POU3F3: variants seen among roughly 807,000 people sequenced by gnomAD.
POU3F3 encodes the protein POU class 3 homeobox 3.
POU3F3 carries 1 observed loss-of-function variant against 8.6 expected under a neutral mutation model. The ratio of observed to expected loss-of-function variants is 0.12; its 90% CI spans 0.04 to 0.55. POU3F3 has a LOEUF of 0.55. Among genes scored for constraint, POU3F3 ranks in the 20% least tolerant of loss-of-function variants. POU3F3 has a pLI of 0.91. For synonymous variants in POU3F3, 418 were observed against 327.4 expected, an observed-to-expected ratio of 1.28 and a Z score of -2.99; for missense variants, 577 against 690.7, an observed-to-expected ratio of 0.84 and a Z score of 1.84.
the POU3F3 span, chr2:104,925,815 A>G: frequency 5.9e-5 from 9 of 152,072 alleles, no homozygotes; most frequent in African/African-American, 9.7e-5. Flanking sequence ...TTAGACTCTG[A>G]GGCAAAATTT....
the POU3F3 span, among the ~76,000 whole-genome samples, chr2:104,885,916 C>G: frequency 1.3e-5 from 2 of 152,030 alleles, no homozygotes; most frequent in Admixed American, 1.3e-4. Context: ...TCCTGCCTGG[C>G]CCCCAGAGTA....
At chr2:104,859,584 G>A (rs1383143911), downstream of POU3F3, among the ~76,000 whole-genome samples, 1 of 152,058 alleles carries the variant, frequency 6.6e-6, no homozygotes, top group Non-Finnish European at 1.5e-5. Flanking sequence ...CAATGCAGGG[G>A]TTAAAAAACC....
the POU3F3 span, among the ~76,000 whole-genome samples, chr2:104,899,186 A>C: frequency 6.6e-6 from 1 of 152,320 alleles, no homozygotes; most frequent in East Asian, 1.9e-4. Context: ...CAGACCCAGC[A>C]CATAAGCGAC....
At position 104,855,549 on chromosome 2, in the gene POU3F3, C is replaced by T. The variant is rs1438488196; in HGVS notation, c.39C>T (p.Asn13=). The T allele has an allele frequency of 2.9e-6, 3 of 1,043,048 alleles. No homozygotes were observed. The highest frequency in any genetic ancestry group is 3.5e-6 in the Non-Finnish European group (3 of 864,656). 64.6% of individuals were successfully genotyped at this position (1,043,048 alleles called of 1,614,324 possible). ...TAASNPYLPG[N]SLLAAGSIVH... ...CTTCTAACCCCTACCTGCCGGGGAA[C>T]AGCCTGCTCGCGGCCGGCTCTATTG... is the stretch of plus-strand genomic sequence containing the variant. Residue 13 remains asparagine (N), a synonymous_variant, in exon 1 of 1, where the codon AAC becomes AAT. Transcript: ENST00000361360.
chr2:104,919,136 G>T, the POU3F3 span, among the ~76,000 whole-genome samples: 1 of 152,152 alleles, frequency 6.6e-6, no homozygotes, highest in Admixed American at 6.5e-5. Context: ...CTCCCAAAGT[G>T]CTGGGATTAC....
chr2:104,889,364 A>G, the POU3F3 span, among the ~76,000 whole-genome samples: 1 of 152,110 alleles, frequency 6.6e-6, no homozygotes, highest in Admixed American at 6.5e-5. Context: ...TCGCAGATTG[A>G]ATGCCAGGTT....
At chr2:104,874,934 A>C in the POU3F3 span, among the ~76,000 whole-genome samples, 1 of 152,222 alleles carries the variant, frequency 6.6e-6, no homozygotes, top group Non-Finnish European at 1.5e-5. Context: ...CCATCTCCAG[A>C]AGTTTTTTTA....
chr2:104,922,392 CA>C, the POU3F3 span, among the ~76,000 whole-genome samples: 3,449 of 71,058 alleles, frequency 0.049, 46 homozygotes, highest in African/African-American at 0.12. Flanking sequence ...TGAAGATGCT[CA>C]AAAAAAAAAA....
chr2:104,898,740 T>C, the POU3F3 span, among the ~76,000 whole-genome samples: 1 of 152,190 alleles, frequency 6.6e-6, no homozygotes, highest in Admixed American at 6.5e-5. Context: ...GGCTTTAGAA[T>C]GAGATCATTT....
Position 104,855,777 on chromosome 2 carries a change from T to A in POU3F3, c.267T>A (p.His89Gln). ...QGAMAASNGG[H>Q]MLSHAHQWVT... ...CCATGGCCGCCAGCAACGGCGGCCA[T>A]ATGCTGAGCCACGCGCACCAGTGGG... The change falls in exon 1 of 1, where the codon CAT becomes CAA. Residue 89 changes from histidine to glutamine, a missense_variant. Physicochemically the swap from His to Gln is conservative, Grantham distance 24. Transcript: ENST00000361360. 1 of 1,316,260 alleles carries A rather than the reference T, an allele frequency of 7.6e-7. No homozygotes were observed. Among genetic ancestry groups the A allele is most frequent in the Non-Finnish European group, 9.9e-7 (1 of 1,012,580 alleles). The allele number at this position is 1,316,260 out of a possible 1,614,324, so 81.5% of individuals were successfully genotyped here.
the POU3F3 span, among the ~76,000 whole-genome samples, chr2:104,900,031 C>T: frequency 1.3e-5 from 2 of 152,180 alleles, no homozygotes; most frequent in African/African-American, 4.8e-5. Flanking sequence ...GCCATAGTTC[C>T]AAATTGAAAT....
At chr2:104,887,100 C>T in the POU3F3 span, among the ~76,000 whole-genome samples, 1 of 151,834 alleles carries the variant, frequency 6.6e-6, no homozygotes, top group Non-Finnish European at 1.5e-5. Context: ...GACTTCCTGA[C>T]GTTGCCATGG....
the POU3F3 span, among the ~76,000 whole-genome samples, chr2:104,903,697 A>G: frequency 1.3e-5 from 2 of 152,216 alleles, no homozygotes; most frequent in Non-Finnish European, 2.9e-5. Flanking sequence ...GCCCAAAGGA[A>G]GTCAGGCAGT....
At chr2:104,917,782 C>A in the POU3F3 span, among the ~76,000 whole-genome samples, 5 of 152,202 alleles carry the variant, frequency 3.3e-5, no homozygotes, top group African/African-American at 1.2e-4. Flanking sequence ...ATCCAGGATT[C>A]TTCTCTCTTA....
chr2:104,896,647 T>C, the POU3F3 span, among the ~76,000 whole-genome samples: 1 of 152,248 alleles, frequency 6.6e-6, no homozygotes, highest in African/African-American at 2.4e-5. Flanking sequence ...AGAGCTGGCT[T>C]GCAGCCAGAC....
Position 104,857,108 on chromosome 2 carries a change from C to T in POU3F3, c.*95C>T, listed in dbSNP as rs1350522074. The T allele has an allele frequency of 2.1e-6, 2 of 974,064 alleles. No individual in the cohort carries two copies. The highest frequency in any genetic ancestry group is 2.4e-6 in the Non-Finnish European group (2 of 821,754). The allele number at this position is 974,064 out of a possible 1,614,324, so 60.3% of individuals were successfully genotyped here. On this transcript the variant is annotated 3_prime_UTR_variant, in exon 1 of 1. Coordinates refer to ENST00000361360, the MANE Select transcript of POU3F3 (RefSeq NM_006236.3). ...CCCCTGCCGCCGCCGCCGCCGCCGC[C>T]GCCGCCGCTGCCGCCGCCGCGCCGA...
At chr2:104,900,799 T>C in the POU3F3 span, among the ~76,000 whole-genome samples, 1 of 152,224 alleles carries the variant, frequency 6.6e-6, no homozygotes, top group African/African-American at 2.4e-5. Flanking sequence ...ATGCTAACTT[T>C]TCAGCCTGCG....
the POU3F3 span, among the ~76,000 whole-genome samples, chr2:104,895,453 G>A: frequency 2.0e-5 from 3 of 152,100 alleles, no homozygotes; most frequent in Non-Finnish European, 4.4e-5. Context: ...TTTCCGAAAA[G>A]TACACTAAAT....
chr2:104,925,092 T>G, the POU3F3 span, among the ~76,000 whole-genome samples: 2 of 152,216 alleles, frequency 1.3e-5, no homozygotes, highest in South Asian at 4.1e-4. Flanking sequence ...AAAGTGAATA[T>G]TCACTCCTAG....
Sources: gnomAD v4.1 joint callset for allele counts (sites outside exome capture counted in the v4.1 genomes callset) on GRCh38, gnomAD v4.1.1 for gene constraint, MANE v1.5 for transcripts, NCBI Gene and HGNC (gene_info 2026-07-23, HGNC 2026-07-21) for gene names.